The following OGT variants were observed in gnomAD, a reference collection of about 807,000 sequenced individuals.
The protein encoded by OGT is O-linked N-acetylglucosamine (GlcNAc) transferase.
Under a neutral mutation model 75.8 loss-of-function variants are expected in OGT, and 3 were observed. That is an observed-to-expected ratio of 0.04 (90% CI 0.02 to 0.10). OGT has a LOEUF of 0.10. Among genes scored for constraint, OGT ranks in the 10% least tolerant of loss-of-function variants. The pLI is 1.00. For missense variants in OGT, 260 were observed against 824.4 expected (o/e 0.32, Z 8.38); for synonymous variants, 257 against 289.7 (o/e 0.89, Z 1.15).
intron 14 of OGT, 62 bp downstream of exon 14, chrX:71,559,739 A>G (rs1215490596): frequency 1.1e-6 from 1 of 874,939 alleles, no homozygotes; most frequent in Non-Finnish European, 1.6e-6. Context: ...AACTATTAGC[A>G]TATAGTTTAT....
intron 14 of OGT, among the ~76,000 whole-genome samples, chrX:71,561,224 G>A (rs2040381883): frequency 9.1e-6 from 1 of 110,343 alleles, no homozygotes; most frequent in East Asian, 2.9e-4. Flanking sequence ...CACCATGCCC[G>A]GCCTACTCAC....
intron 3 of OGT, among the ~76,000 whole-genome samples, chrX:71,543,766 G>GTATATA (rs397895363): frequency 1.3e-3 from 101 of 78,279 alleles, no homozygotes; most frequent in Non-Finnish European, 2.1e-3. Context: ...GTGTGTGTGT[G>GTATATA]TATATATATA....
Position 71,568,086 on chromosome X carries a change from T to C in OGT, c.2936T>C (p.Ile979Thr). 1 of 1,207,749 alleles carries C rather than the reference T, an allele frequency of 8.3e-7. No homozygotes were observed. Among genetic ancestry groups the C allele is most frequent in the Non-Finnish European group, 1.1e-6 (1 of 893,548 alleles). Residue 979 changes from isoleucine (I) to threonine (T), a missense_variant, in exon 21 of 22, where the codon ATA becomes ACA. By Grantham distance (89) the Ile-to-Thr change is moderately conservative. This residue lies in a region of OGT where 34 missense variants were observed against 57.5 expected (regional missense o/e 0.59). Transcript: ENST00000373719. ...AAAAACAGACAAGAATATGAAGACA[T>C]AGCTGTGAAGCTGGGAACTGATCTA... ...IAKNRQEYED[I>T]AVKLGTDLEY...
intron 2 of OGT, 38 bp downstream of exon 2, chrX:71,536,396 T>G: frequency 1.9e-6 from 2 of 1,041,914 alleles, no homozygotes; most frequent in Non-Finnish European, 2.5e-6. Context: ...GATTGCTGCC[T>G]CTGGGTGCTG....
intron 15 of OGT, among the ~76,000 whole-genome samples, chrX:71,562,316 A>G (rs180693197): frequency 8.9e-6 from 1 of 112,773 alleles, no homozygotes; most frequent in East Asian, 2.8e-4. Context: ...AAATTAAAAA[A>G]TTAGCCAGAG....
At chrX:71,557,962 C>CT (rs1305990004) in intron 12 of OGT, among the ~76,000 whole-genome samples, 74 of 103,325 alleles carry the variant, frequency 7.2e-4, no homozygotes, top group Admixed American at 1.3e-3. Flanking sequence ...TCTTTTTTTT[C>CT]TTTTTTTTTT....
Position 71,567,527 on chromosome X carries a change from C to G in OGT, c.2617C>G (p.Leu873Val). ...NILKRVPNSV[L>V]WLLRFPAVGE... ...TCTGAAGCGTGTTCCCAATAGTGTACTCTGGCTGTTGCGTTTTCCAGCAGT... is the reference window on the plus strand; with the variant it reads ...TCTGAAGCGTGTTCCCAATAGTGTAGTCTGGCTGTTGCGTTTTCCAGCAGT... Residue 873 changes from leucine to valine, a missense_variant, in exon 20 of 22, where the codon CTC becomes GTC. Leu to Val is a conservative substitution (Grantham distance 32, BLOSUM62 1). This residue lies in a region of OGT where 79 missense variants were observed against 141.0 expected (regional missense o/e 0.56). Transcript: ENST00000373719. The G allele has an allele frequency of 8.5e-7, 1 of 1,177,759 alleles. No individual in the cohort carries two copies. The highest frequency in any genetic ancestry group is 1.1e-6 in the Non-Finnish European group (1 of 872,658).
intron 3 of OGT, among the ~76,000 whole-genome samples, chrX:71,541,079 G>T (rs956714714): frequency 2.7e-5 from 3 of 111,888 alleles, no homozygotes; most frequent in Non-Finnish European, 5.6e-5. Flanking sequence ...AATTCCTTTT[G>T]CAAATTATGT....
At chrX:71,560,022 C>T (rs773864354) in intron 14 of OGT, among the ~76,000 whole-genome samples, 4 of 110,656 alleles carry the variant, frequency 3.6e-5, no homozygotes, top group Non-Finnish European at 7.6e-5. Flanking sequence ...TGACTCATGC[C>T]TGTAATCCCA....
At chrX:71,543,766 G>GTGTATA (rs1454042815) in intron 3 of OGT, among the ~76,000 whole-genome samples, 6 of 78,313 alleles carry the variant, frequency 7.7e-5, no homozygotes, top group Non-Finnish European at 1.4e-4. Flanking sequence ...GTGTGTGTGT[G>GTGTATA]TATATATATA....
chrX:71,556,854 A>T (rs1383271066), intron 9 of OGT, 74 bp downstream of exon 9: 1 of 1,049,086 alleles, frequency 9.5e-7, no homozygotes. Context: ...CACATTGCAG[A>T]TGCTAAAATG....
intron 14 of OGT, among the ~76,000 whole-genome samples, chrX:71,561,100 G>T (rs1027692811): frequency 1.9e-4 from 21 of 109,421 alleles, no homozygotes; most frequent in Non-Finnish European, 2.9e-4. Flanking sequence ...GCTAATTTTT[G>T]TATTTTTAGT....
chrX:71,556,382 T>TG (rs1437464277), intron 8 of OGT: 1 of 371,315 alleles, frequency 2.7e-6, no homozygotes, highest in Non-Finnish European at 4.6e-6. Context: ...TCTTAGTGCC[T>TG]GATGGCTGTA....
At chrX:71,546,164 A>G (rs952536975) in intron 4 of OGT, 8 of 752,998 alleles carry the variant, frequency 1.1e-5, no homozygotes, top group Non-Finnish European at 1.3e-5. Flanking sequence ...GCTGTATGCA[A>G]TAGCCCTGAT....
rs369076323 is a variant in OGT, at chrX:71,559,614, C to T, written c.1788C>T (p.Asp596=). Residue 596 remains aspartate (D), a synonymous_variant, in exon 14 of 22, where the codon GAC becomes GAT. Transcript: ENST00000373719. ...FEVFCYALSP[D]DGTNFRVKVM... ...TGTTCTGTTATGCCCTGAGCCCAGACGATGGCACAAACTTCCGAGTGAAGG... is the reference window on the plus strand; with the variant it reads ...TGTTCTGTTATGCCCTGAGCCCAGATGATGGCACAAACTTCCGAGTGAAGG... 69 of 1,209,420 alleles carry T rather than the reference C, an allele frequency of 5.7e-5. No homozygotes were observed. The highest frequency in any genetic ancestry group is 2.8e-4 in the South Asian group (16 of 56,721).
At chrX:71,557,950 T>C (rs2040353591) in intron 12 of OGT, among the ~76,000 whole-genome samples, 2 of 110,822 alleles carry the variant, frequency 1.8e-5, no homozygotes, top group African/African-American at 6.6e-5. Context: ...TTTTTTCTTT[T>C]ATCTTTTTTT....
chrX:71,533,218 A>G lies in OGT; in HGVS notation c.-82A>G, dbSNP rs947410387. On this transcript the variant is annotated 5_prime_UTR_variant, in exon 1 of 22. Transcript: ENST00000373719. ...TTGCTACGGCTGCTGCCCTTGTACT[A>G]CTACCTCCAAATACGTTCTTGCTGG... is the stretch of plus-strand genomic sequence containing the variant. 4.0e-5 allele frequency: 39 copies of G among 982,145 alleles called. No individual in the cohort carries two copies. Among genetic ancestry groups the G allele is most frequent in the Non-Finnish European group, 5.5e-5 (39 of 705,177 alleles). The allele number at this position is 982,145 out of a possible 1,213,427, so 80.9% of individuals were successfully genotyped here.
rs748622645 is a variant in OGT, at chrX:71,567,593, C to T, written c.2683C>T (p.Leu895=). 1 of 1,209,239 alleles carries T rather than the reference C, an allele frequency of 8.3e-7. No individual in the cohort carries two copies. Among genetic ancestry groups the T allele is most frequent in the South Asian group, 1.8e-5 (1 of 56,626 alleles). ...TCAACAGTATGCACAAAACATGGGC[C>T]TGCCCCAGAACCGTATCATTTTTTC... is the stretch of plus-strand genomic sequence containing the variant. ...NIQQYAQNMG[L]PQNRIIFSPV... Residue 895 remains leucine, a synonymous_variant, in exon 20 of 22, where the codon CTG becomes TTG. Coordinates refer to ENST00000373719, the MANE Select transcript of OGT (RefSeq NM_181672.3).
chrX:71,568,630 C>T (rs1428023397), intron 21 of OGT, among the ~76,000 whole-genome samples: 1 of 110,521 alleles, frequency 9.0e-6, no homozygotes, highest in African/African-American at 3.3e-5. Flanking sequence ...GAGTTCGAGA[C>T]CAGCCTGGCC....
Sources: gnomAD v4.1 joint callset for allele counts (sites outside exome capture counted in the v4.1 genomes callset) on GRCh38, gnomAD v4.1.1 for gene constraint, gnomAD v4.1.1 regional missense constraint, MANE v1.5 for transcripts, NCBI Gene and HGNC (gene_info 2026-07-23, HGNC 2026-07-21) for gene names.